Variants in ZNF362 observed in about 807,000 individuals in gnomAD.
ZNF362 encodes the protein rotund homolog.
ZNF362 carries 11 observed loss-of-function variants against 42.9 expected under a neutral mutation model. The ratio of observed to expected loss-of-function variants is 0.26; its 90% CI spans 0.16 to 0.42. The LOEUF (loss-of-function observed/expected upper bound fraction) is 0.42. ZNF362 is among the 20% of genes least tolerant of loss of function. The pLI is 1.00. For synonymous variants in ZNF362, 255 were observed against 257.3 expected (o/e 0.99, Z 0.09); for missense variants, 362 against 576.2 (o/e 0.63, Z 3.81).
intron 1 of ZNF362, among the ~76,000 whole-genome samples, chr1:33,265,598 A>G (rs968642448): frequency 5.3e-5 from 8 of 151,982 alleles, no homozygotes; most frequent in African/African-American, 1.9e-4. Flanking sequence ...GCTGGGGCTC[A>G]GGGTTCTAGC....
At chr1:33,274,253 C>T (rs1178374330) in intron 2 of ZNF362, among the ~76,000 whole-genome samples, 4 of 152,204 alleles carry the variant, frequency 2.6e-5, no homozygotes, top group Admixed American at 1.3e-4. Flanking sequence ...AATCTCAGCT[C>T]TCTGCTTACT....
chr1:33,295,064 A>G (rs1186363189), intron 7 of ZNF362, 49 bp downstream of exon 7: 4 of 1,331,306 alleles, frequency 3.0e-6, no homozygotes, highest in Non-Finnish European at 4.1e-6. Context: ...GTGCCCCCCC[A>G]CCCACCCCCA....
At chr1:33,237,171 T>C in the ZNF362 span, among the ~76,000 whole-genome samples, 7 of 152,218 alleles carry the variant, frequency 4.6e-5, no homozygotes, top group African/African-American at 1.7e-4. Context: ...TTTTATTAAA[T>C]GCTGGTATCA....
the ZNF362 span, among the ~76,000 whole-genome samples, chr1:33,129,357 T>C: frequency 1.4e-4 from 21 of 152,168 alleles, no homozygotes; most frequent in African/African-American, 5.1e-4. This position sits in a 1 kb window ranked among gnomAD's most constrained non-coding sequence, Gnocchi z 4.1. Flanking sequence ...ACAAACATTC[T>C]CTTCTGATAA....
At chr1:33,154,336 C>T in the ZNF362 span, among the ~76,000 whole-genome samples, 10 of 152,180 alleles carry the variant, frequency 6.6e-5, no homozygotes, top group Middle Eastern at 3.2e-3. Flanking sequence ...CTAGCCTCAG[C>T]TGCCACCTGC....
chr1:33,210,028 A>G, the ZNF362 span, among the ~76,000 whole-genome samples: 1 of 152,030 alleles, frequency 6.6e-6, no homozygotes, highest in African/African-American at 2.4e-5. Flanking sequence ...TAGGGTGTCA[A>G]TTTTAGATCT....
the ZNF362 span, among the ~76,000 whole-genome samples, chr1:33,223,789 A>G: frequency 2.3e-3 from 353 of 151,354 alleles, 6 homozygotes; most frequent in Non-Finnish European, 2.9e-3. Context: ...GCTACTTGGG[A>G]GGCTGAGGTG....
the ZNF362 span, chr1:33,147,010 A>T: frequency 1.5e-6 from 1 of 659,990 alleles, no homozygotes; most frequent in South Asian, 1.9e-5. This position sits in a 1 kb window ranked among gnomAD's most constrained non-coding sequence, Gnocchi z 8.1. Flanking sequence ...AGAGTTTAGG[A>T]AGTAGGGAAT....
the ZNF362 span, among the ~76,000 whole-genome samples, chr1:33,172,699 G>A: frequency 6.6e-6 from 1 of 152,110 alleles, no homozygotes; most frequent in African/African-American, 2.4e-5. Context: ...GCCAGGACTG[G>A]GGCAACAGAG....
chr1:33,285,938 C>T (rs1323401748), intron 6 of ZNF362, among the ~76,000 whole-genome samples: 1 of 152,156 alleles, frequency 6.6e-6, no homozygotes, highest in East Asian at 1.9e-4. Flanking sequence ...TGGCGGGTGC[C>T]TGTAATTCCA....
chr1:33,201,292 T>C, the ZNF362 span, among the ~76,000 whole-genome samples: 1 of 152,218 alleles, frequency 6.6e-6, no homozygotes, highest in Non-Finnish European at 1.5e-5. Context: ...GCCAACTTGA[T>C]CTAATAGACA....
the ZNF362 span, chr1:33,158,192 G>C: frequency 6.7e-7 from 1 of 1,490,310 alleles, no homozygotes; most frequent in African/African-American, 1.4e-5. Context: ...TTAGGACAGG[G>C]GGCTGGGCTG....
At chr1:33,140,177 C>T in the ZNF362 span, among the ~76,000 whole-genome samples, 8 of 152,136 alleles carry the variant, frequency 5.3e-5, no homozygotes, top group Admixed American at 5.2e-4. The surrounding 1 kb of genome is among the most constrained non-coding windows in gnomAD (Gnocchi z 4.0). Flanking sequence ...CTTTGCCTGT[C>T]CCTCTTGTTC....
At chr1:33,147,833 C>T in the ZNF362 span, 6 of 1,270,060 alleles carry the variant, frequency 4.7e-6, no homozygotes, top group Admixed American at 9.7e-5. This position sits in a 1 kb window ranked among gnomAD's most constrained non-coding sequence, Gnocchi z 8.1. Context: ...CAGGAGGCCT[C>T]TGACCTGCTG....
At chr1:33,242,654 C>T in the ZNF362 span, among the ~76,000 whole-genome samples, 2 of 152,114 alleles carry the variant, frequency 1.3e-5, no homozygotes, top group East Asian at 1.9e-4. Context: ...AGACTTCCCA[C>T]GGATTAGGAA....
chr1:33,187,776 G>A, the ZNF362 span, among the ~76,000 whole-genome samples: 1 of 152,166 alleles, frequency 6.6e-6, no homozygotes, highest in Non-Finnish European at 1.5e-5. Flanking sequence ...AGGATCTCTG[G>A]TTCAACAGAG....
the ZNF362 span, chr1:33,147,233 T>C: frequency 1.2e-6 from 2 of 1,614,008 alleles, no homozygotes; most frequent in Non-Finnish European, 1.7e-6. The surrounding 1 kb of genome is among the most constrained non-coding windows in gnomAD (Gnocchi z 8.1). Flanking sequence ...TTGGCGTGGC[T>C]CTGGCCAGGG....
the ZNF362 span, among the ~76,000 whole-genome samples, chr1:33,154,358 C>T: frequency 6.6e-6 from 1 of 152,204 alleles, no homozygotes; most frequent in African/African-American, 2.4e-5. Flanking sequence ...CCATGTCTGT[C>T]ACAGCTCGGA....
At chr1:33,203,789 A>T in the ZNF362 span, among the ~76,000 whole-genome samples, 1 of 152,034 alleles carries the variant, frequency 6.6e-6, no homozygotes, top group African/African-American at 2.4e-5. Flanking sequence ...ATGTCTTTTC[A>T]GTCCTTTGCG....
Sources: gnomAD v4.1 joint callset for allele counts (sites outside exome capture counted in the v4.1 genomes callset) on GRCh38, gnomAD v4.1.1 for gene constraint, Gnocchi (gnomAD v3.1) non-coding constraint, MANE v1.5 for transcripts, NCBI Gene and HGNC (gene_info 2026-07-23, HGNC 2026-07-21) for gene names.